Variants in KCNT1 observed in about 807,000 individuals in gnomAD.
The protein encoded by KCNT1 is potassium channel subfamily T member 1.
KCNT1 carries 78 observed loss-of-function variants against 147.8 expected under a neutral mutation model. The observed-to-expected ratio is 0.53, with a 90% CI of 0.44 to 0.64. The LOEUF (loss-of-function observed/expected upper bound fraction) is 0.64. Ranked by LOEUF, KCNT1 falls within the 30% of genes least tolerant of loss-of-function variation. KCNT1 has a pLI of 0.00. For synonymous variants in KCNT1, 867 were observed against 748.8 expected (o/e 1.16, Z -2.58); for missense variants, 1,419 against 1,750.3 (o/e 0.81, Z 3.38).
intron 1 of KCNT1, among the ~76,000 whole-genome samples, chr9:135,711,613 C>A (rs1371195120): frequency 1.3e-5 from 2 of 152,230 alleles, no homozygotes; most frequent in Non-Finnish European, 2.9e-5. Flanking sequence ...ATGGGGTTGT[C>A]AGGGTCAGTG....
At chr9:135,755,193 T>G (rs778065591) in intron 6 of KCNT1, 24 bp downstream of exon 6, 1 of 1,596,746 alleles carries the variant, frequency 6.3e-7, no homozygotes, top group Non-Finnish European at 8.5e-7. Context: ...CCTGCCCCCC[T>G]CCCGACTGCA....
chr9:135,779,620 A>G, intron 24 of KCNT1, 150 bp downstream of exon 24: 1 of 640,528 alleles, frequency 1.6e-6, no homozygotes, highest in Non-Finnish European at 2.8e-6. Context: ...TGGGGGGCCC[A>G]GCATGGACAG....
At chr9:135,738,356 G>A (rs1163052325) in intron 2 of KCNT1, among the ~76,000 whole-genome samples, 3 of 152,210 alleles carry the variant, frequency 2.0e-5, no homozygotes, top group Non-Finnish European at 4.4e-5. Flanking sequence ...CCTGGGCCTG[G>A]AGCATTCATA....
chr9:135,754,263 G>C (rs774562069), intron 5 of KCNT1, among the ~76,000 whole-genome samples: 5 of 152,222 alleles, frequency 3.3e-5, no homozygotes, highest in African/African-American at 4.8e-5. Flanking sequence ...GGTTCCCCAG[G>C]ACACATGTGC....
intron 1 of KCNT1, among the ~76,000 whole-genome samples, chr9:135,710,511 A>C (rs1422746707): frequency 6.6e-6 from 1 of 152,166 alleles, no homozygotes; most frequent in African/African-American, 2.4e-5. Flanking sequence ...GGACAGGTGG[A>C]GCTGCACTCG....
chr9:135,718,722 T>C (rs1564317469), intron 2 of KCNT1, among the ~76,000 whole-genome samples: 1 of 152,130 alleles, frequency 6.6e-6, no homozygotes, highest in Non-Finnish European at 1.5e-5. Context: ...GGGAAGCGGG[T>C]GCTGCTGCCA....
At position 135,714,757 on chromosome 9, in the gene KCNT1, G is replaced by T; in HGVS notation, c.254+37G>T. The T allele has an allele frequency of 8.2e-7, 1 of 1,214,944 alleles. No homozygotes were observed. Among genetic ancestry groups the T allele is most frequent in the Non-Finnish European group, 1.0e-6 (1 of 963,950 alleles). The allele number at this position is 1,214,944 out of a possible 1,614,324, so 75.3% of individuals were successfully genotyped here. A position where few individuals can be genotyped will look rare whatever the true frequency, so the allele number is the denominator to read the frequency against. ...GCGCGGGGTGGGGGCTGGGGTCGCC[G>T]TCCCGGCGCCGCCGCACGCCCGGAG... On this transcript the variant is annotated intron_variant, in intron 2 of 30. Coordinates refer to ENST00000371757, the MANE Select transcript of KCNT1 (RefSeq NM_020822.3). This position sits in a 1 kb window ranked among gnomAD's most constrained non-coding sequence, Gnocchi z 6.2.
In KCNT1 at chr9:135,702,319, G is replaced by A. The variant is rs1254924291; in HGVS notation, c.61G>A (p.Gly21Ser). 1 of 1,611,528 alleles carries A rather than the reference G, an allele frequency of 6.2e-7. No homozygotes were observed. Among genetic ancestry groups the A allele is most frequent in the South Asian group, 1.1e-5 (1 of 91,046 alleles). Residue 21 changes from glycine to serine, a missense_variant, in exon 1 of 31, where the codon GGC (glycine) becomes AGC (serine). Gly to Ser is a moderately conservative substitution (Grantham distance 56). Transcript: ENST00000371757. ...GGVCREARGG[G>S]YTNRTFEFDD... ...CGTCTGCCGGGAGGCGCGCGGCGGGGGCTACACCAACCGGACCTTCGAGTT... is the reference window on the plus strand; with the variant it reads ...CGTCTGCCGGGAGGCGCGCGGCGGGAGCTACACCAACCGGACCTTCGAGTT...
chr9:135,707,790 C>T (rs1000109740), intron 1 of KCNT1, among the ~76,000 whole-genome samples: 3 of 152,182 alleles, frequency 2.0e-5, no homozygotes, highest in Non-Finnish European at 2.9e-5. Context: ...GCTGGCCTTC[C>T]CCTCTTCCCG....
At chr9:135,764,179 G>A (rs1032666598) in intron 11 of KCNT1, among the ~76,000 whole-genome samples, 16 of 152,152 alleles carry the variant, frequency 1.1e-4, no homozygotes, top group African/African-American at 2.7e-4. Context: ...TCAACAAGCC[G>A]GGCACCATGA....
At chr9:135,770,715 C>G in intron 17 of KCNT1, 142 bp from the exon 18 acceptor site, 2 of 898,360 alleles carry the variant, frequency 2.2e-6, no homozygotes, top group Non-Finnish European at 3.4e-6. Context: ...AGGGCTCAGC[C>G]AAGGTCCCTG....
At position 135,792,680 on chromosome 9, in the gene KCNT1, C is replaced by G. The variant is rs559338450; in HGVS notation, c.*519C>G. On this transcript the variant is annotated 3_prime_UTR_variant, in exon 31 of 31. Coordinates refer to ENST00000371757, the MANE Select transcript of KCNT1 (RefSeq NM_020822.3). Reference sequence around the variant, plus strand: ...TGCACTCTGGGGTGGGTGAGGGGGACCCTGGGCTGTTTGCTGTCCCAAGCC... The same window carrying G: ...TGCACTCTGGGGTGGGTGAGGGGGAGCCTGGGCTGTTTGCTGTCCCAAGCC... The G allele has an allele frequency of 6.5e-6, 1 of 152,890 alleles. No homozygotes were observed. The highest frequency in any genetic ancestry group is 2.1e-4 in the South Asian group (1 of 4,866). 9.5% of individuals were successfully genotyped at this position (152,890 alleles called of 1,614,324 possible).
intron 2 of KCNT1, among the ~76,000 whole-genome samples, chr9:135,723,029 C>T (rs762822889): frequency 6.6e-5 from 10 of 152,266 alleles, no homozygotes; most frequent in Non-Finnish European, 1.3e-4. Context: ...CCAGGTCCCT[C>T]GGGAGAGCCT....
At chr9:135,770,192 G>T in intron 16 of KCNT1, 106 bp from the exon 17 acceptor site, 2 of 1,427,634 alleles carry the variant, frequency 1.4e-6, no homozygotes, top group Non-Finnish European at 9.5e-7. Context: ...CATAGGGAGG[G>T]GATCCATGCC....
chr9:135,736,163 G>A (rs1486029420), intron 2 of KCNT1, among the ~76,000 whole-genome samples: 1 of 152,162 alleles, frequency 6.6e-6, no homozygotes, highest in East Asian at 1.9e-4. Context: ...CACCCCCCTG[G>A]CCAGGGTACT....
chr9:135,785,914 A>G (rs1193916056), intron 28 of KCNT1: 2 of 528,430 alleles, frequency 3.8e-6, no homozygotes, highest in African/African-American at 3.9e-5. Context: ...AGAGAGGCGA[A>G]GGGAGCTGCC....
chr9:135,755,469 G>A (rs1363318125), intron 6 of KCNT1, among the ~76,000 whole-genome samples: 2 of 143,230 alleles, frequency 1.4e-5, no homozygotes, highest in Non-Finnish European at 3.0e-5. Flanking sequence ...CTCAGTAAAT[G>A]CTGAGGACAA....
intron 2 of KCNT1, among the ~76,000 whole-genome samples, chr9:135,734,922 C>T (rs868380753): frequency 2.6e-5 from 4 of 152,180 alleles, no homozygotes; most frequent in Admixed American, 6.5e-5. Flanking sequence ...CAGGCGGCGC[C>T]CAGGGGTGGT....
At chr9:135,756,968 T>TAC in intron 7 of KCNT1, 36 bp downstream of exon 7, 1 of 852,572 alleles carries the variant, frequency 1.2e-6, no homozygotes, top group Non-Finnish European at 1.6e-6. Flanking sequence ...TCACAGGGGG[T>TAC]CCCCACCCTC....
Sources: allele counts gnomAD v4.1 joint callset (sites outside exome capture counted in the v4.1 genomes callset), GRCh38; gene constraint gnomAD v4.1.1; non-coding constraint Gnocchi (gnomAD v3.1); transcripts MANE v1.5; gene names NCBI Gene and HGNC (gene_info 2026-07-23, HGNC 2026-07-21).